Variants in ATL3 observed in about 807,000 individuals in gnomAD.
ATL3 encodes the protein atlastin-3.
In ATL3, 49 loss-of-function variants were observed where a neutral mutation model predicts 69.5. The observed-to-expected ratio is 0.71, with a 90% CI of 0.56 to 0.89. The LOEUF (loss-of-function observed/expected upper bound fraction) is 0.89. Among genes scored for constraint, ATL3 ranks in the 40% least tolerant of loss-of-function variants. ATL3 has a pLI of 0.00. For missense variants in ATL3, 606 were observed against 645.7 expected (o/e 0.94, Z 0.67); for synonymous variants, 214 against 224.1 (o/e 0.95, Z 0.40).
At chr11:63,654,233 G>A (rs1463453027) in intron 3 of ATL3, among the ~76,000 whole-genome samples, 2 of 147,012 alleles carry the variant, frequency 1.4e-5, no homozygotes, top group East Asian at 2.0e-4. Flanking sequence ...TGCAAGCTCC[G>A]CCTCCCAGGT....
intron 5 of ATL3, among the ~76,000 whole-genome samples, chr11:63,648,414 T>G (rs1939958262): frequency 6.6e-6 from 1 of 152,214 alleles, no homozygotes; most frequent in East Asian, 1.9e-4. Flanking sequence ...CCTACCTCAT[T>G]GTGATCCAAA....
At chr11:63,657,635 T>C (rs1394712042) in intron 3 of ATL3, among the ~76,000 whole-genome samples, 3 of 152,372 alleles carry the variant, frequency 2.0e-5, no homozygotes, top group Middle Eastern at 3.4e-3. Flanking sequence ...CTTACAGTAG[T>C]ACCTGACCTT....
At chr11:63,652,449 T>C (rs1471135956) in intron 4 of ATL3, 22 bp downstream of exon 4, 2 of 1,450,066 alleles carry the variant, frequency 1.4e-6, no homozygotes, top group Non-Finnish European at 1.9e-6. Context: ...GCGAGCTTTT[T>C]TCTGAGTCAA....
rs1399040074 is a variant in ATL3, at chr11:63,628,039, T to A, written c.*1280A>T. On this transcript the variant is annotated 3_prime_UTR_variant, in exon 13 of 13. Coordinates refer to ENST00000398868, the MANE Select transcript of ATL3 (RefSeq NM_015459.5). ...CATCAATTAAACGCAGTAATATTTG[T>A]ATCTTCCCTCTAATCCTTAATAAAG... is the stretch of plus-strand genomic sequence containing the variant. 1 of 152,216 alleles carries A rather than the reference T, an allele frequency of 6.6e-6. No homozygotes were observed. Among genetic ancestry groups the A allele is most frequent in the Non-Finnish European group, 1.5e-5 (1 of 68,036 alleles). The allele number at this position is 152,216 out of a possible 1,614,324, so 9.4% of individuals were successfully genotyped here. A position where few individuals can be genotyped will look rare whatever the true frequency, so the allele number is the denominator to read the frequency against.
At chr11:63,636,933 C>T (rs1939538356) in intron 8 of ATL3, among the ~76,000 whole-genome samples, 1 of 152,106 alleles carries the variant, frequency 6.6e-6, no homozygotes, top group South Asian at 2.1e-4. Flanking sequence ...CCTTGGTTTT[C>T]ATTCTGGGAT....
In ATL3 at chr11:63,656,554, C is replaced by T. The variant is rs181247822; in HGVS notation, c.405+2207G>A. Reference sequence around the variant, plus strand: ...TGCAAGACCAGCCTGACCAATATGGCGAAACCCCGTCTCTACTAAAAATAC... The same window carrying T: ...TGCAAGACCAGCCTGACCAATATGGTGAAACCCCGTCTCTACTAAAAATAC... On this transcript the variant is annotated intron_variant, in intron 3 of 12. Coordinates refer to ENST00000398868, the MANE Select transcript of ATL3 (RefSeq NM_015459.5). Among the ~76,000 whole-genome samples the T allele has an allele frequency of 3.1e-3, 466 of 150,566 alleles. 2 individuals are homozygous for T. Among genetic ancestry groups the T allele is most frequent in the Non-Finnish European group, 5.1e-3 (344 of 67,548 alleles).
chr11:63,650,614 C>T (rs1940043447), intron 5 of ATL3: 1 of 152,182 alleles, frequency 6.6e-6, no homozygotes, highest in African/African-American at 2.4e-5. Flanking sequence ...TACATAACTG[C>T]ATCATAATCT....
At chr11:63,671,148 C>T in intron 1 of ATL3, 142 bp downstream of exon 1, 1 of 1,383,674 alleles carries the variant, frequency 7.2e-7, no homozygotes, top group South Asian at 1.5e-5. Flanking sequence ...ATTCGGAAAC[C>T]GAGTGACCCC....
At chr11:63,645,052 G>A (rs908994974) in intron 6 of ATL3, among the ~76,000 whole-genome samples, 1 of 152,066 alleles carries the variant, frequency 6.6e-6, no homozygotes. Flanking sequence ...CTGCACTCCA[G>A]CCTGGGTGAC....
chr11:63,632,351 C>T, intron 11 of ATL3: 1 of 874,734 alleles, frequency 1.1e-6, no homozygotes, highest in Non-Finnish European at 2.0e-6. Flanking sequence ...ATGGAGCCTA[C>T]AATTCAAAAT....
At chr11:63,649,535 CT>C (rs983684580) in intron 5 of ATL3, among the ~76,000 whole-genome samples, 534 of 142,834 alleles carry the variant, frequency 3.7e-3, no homozygotes, top group Middle Eastern at 0.011. Context: ...ATTTTATTTT[CT>C]TTTTTTTTTT....
Position 63,651,951 on chromosome 11 carries a change from A to T in ATL3, c.546T>A (p.Asp182Glu). ...YNLSQNIQED[D>E]LQQLQLFTEY... ...AAATATATACCTGCAGCTGTTGAAG[A>T]TCATCTTCTTGAATGTTCTGAGATA... is the stretch of plus-strand genomic sequence containing the variant. Residue 182 changes from aspartate to glutamate, a missense_variant, in exon 5 of 13, where the codon GAT (aspartate) becomes GAA (glutamate). Coordinates refer to ENST00000398868, the MANE Select transcript of ATL3 (RefSeq NM_015459.5). 6.2e-7 allele frequency: 1 copy of T among 1,600,150 alleles called. No individual in the cohort carries two copies. Among genetic ancestry groups the T allele is most frequent in the Non-Finnish European group, 8.5e-7 (1 of 1,175,880 alleles).
rs939347643 is a variant in ATL3, at chr11:63,627,036, C to T, written c.*2283G>A. 1 of 152,016 alleles carries T rather than the reference C, an allele frequency of 6.6e-6. No homozygotes were observed. The highest frequency in any genetic ancestry group is 1.5e-5 in the Non-Finnish European group (1 of 68,020). 9.4% of individuals were successfully genotyped at this position (152,016 alleles called of 1,614,324 possible). ...CAGAAATGGTGAATTTAAATAGTAA[C>T]TGAATCTTAAGATTTCATTAAATCA... On this transcript the variant is annotated 3_prime_UTR_variant, in exon 13 of 13. Transcript: ENST00000398868.
chr11:63,667,787 G>C (rs1455636093), intron 1 of ATL3, among the ~76,000 whole-genome samples: 2 of 150,516 alleles, frequency 1.3e-5, no homozygotes. Flanking sequence ...AAAAATGACA[G>C]TGTAGACTAG....
At position 63,624,092 on chromosome 11, in the gene ATL3, T is replaced by G. The variant is rs1049163985; in HGVS notation, c.*5227A>C. 20 of 152,206 alleles carry G rather than the reference T, an allele frequency of 1.3e-4. No homozygotes were observed. The highest frequency in any genetic ancestry group is 1.3e-3 in the Admixed American group (20 of 15,278). 9.4% of individuals were successfully genotyped at this position (152,206 alleles called of 1,614,324 possible). On this transcript the variant is annotated 3_prime_UTR_variant, in exon 13 of 13. Transcript: ENST00000398868. ...GAAAGAAAACACAGATAACATGGTGTTGTGATCTTTATTCCATTAAATGAT... is the reference window on the plus strand; with the variant it reads ...GAAAGAAAACACAGATAACATGGTGGTGTGATCTTTATTCCATTAAATGAT...
chr11:63,637,201 G>A (rs112579647), intron 8 of ATL3, among the ~76,000 whole-genome samples: 1 of 151,568 alleles, frequency 6.6e-6, no homozygotes, highest in Non-Finnish European at 1.5e-5. Flanking sequence ...GCTTGAACCC[G>A]GAAGGCAGAG....
Position 63,660,373 on chromosome 11 carries a change from A to G in ATL3, c.47-1121T>C, listed in dbSNP as rs1043161153. Among the ~76,000 whole-genome samples, 8 of 152,316 alleles carry G rather than the reference A, an allele frequency of 5.3e-5. No homozygotes were observed. In the South Asian group the frequency reaches 1.5e-3, roughly 28 times the overall value. Reference sequence around the variant, plus strand: ...ATCTAAATTAAAACCACAATAAGATACCACTACCTGCCCATCAGAATGGCT... The same window carrying G: ...ATCTAAATTAAAACCACAATAAGATGCCACTACCTGCCCATCAGAATGGCT... On this transcript the variant is annotated intron_variant, in intron 1 of 12. Transcript: ENST00000398868.
At chr11:63,654,145 A>ATTT (rs1330665161) in intron 3 of ATL3, among the ~76,000 whole-genome samples, 1 of 149,158 alleles carries the variant, frequency 6.7e-6, no homozygotes. Flanking sequence ...TAAAGATACA[A>ATTT]TTTGTTTTTT....
intron 1 of ATL3, among the ~76,000 whole-genome samples, chr11:63,669,246 G>T (rs557948507): frequency 6.6e-6 from 1 of 151,986 alleles, no homozygotes; most frequent in Non-Finnish European, 1.5e-5. Flanking sequence ...GAAATACCAC[G>T]CAACTGGGCC....
Sources: allele counts gnomAD v4.1 joint callset (sites outside exome capture counted in the v4.1 genomes callset), GRCh38; gene constraint gnomAD v4.1.1; transcripts MANE v1.5; gene names NCBI Gene and HGNC (gene_info 2026-07-23, HGNC 2026-07-21).